SNAPIN: variants seen among roughly 807,000 people sequenced by gnomAD.
The protein encoded by SNAPIN is SNARE-associated protein Snapin.
SNAPIN carries 16 observed loss-of-function variants against 15.9 expected under a neutral mutation model. The observed-to-expected ratio is 1.01, with a 90% CI of 0.68 to 1.53. The LOEUF is 1.53. Among genes scored for constraint, SNAPIN ranks in the 40% most tolerant of loss-of-function variants. The pLI, the probability that SNAPIN is intolerant of heterozygous loss-of-function variation, is 0.00. For synonymous variants in SNAPIN, 83 were observed against 76.2 expected (o/e 1.09, Z -0.46); for missense variants, 186 against 180.1 (o/e 1.03, Z -0.19).
rs1429044617 is a variant in SNAPIN, at chr1:153,658,784, C to T, written c.41C>T (p.Thr14Ile). ...AGSAAVSGAGTPVAGPTGRDL... is the reference protein window; with the variant it reads ...AGSAAVSGAGIPVAGPTGRDL... ...TCCGCCGCTGTATCGGGGGCAGGGA[C>T]CCCGGTGGCGGGGCCCACAGGCCGC... Residue 14 changes from threonine to isoleucine, a missense_variant, in exon 1 of 4, where the codon ACC becomes ATC. Coordinates refer to ENST00000368685, the MANE Select transcript of SNAPIN (RefSeq NM_012437.6). 6.3e-7 allele frequency: 1 copy of T among 1,583,542 alleles called. No individual in the cohort carries two copies. The highest frequency in any genetic ancestry group is 8.5e-7 in the Non-Finnish European group (1 of 1,170,916).
Position 153,660,135 on chromosome 1 carries a change from A to G in SNAPIN, c.309+569A>G, listed in dbSNP as rs553177524. 7.2e-5 allele frequency among the ~76,000 whole-genome samples: 11 copies of G among 152,012 alleles called. No homozygotes were observed. The East Asian group carries it at 2.1e-3, about 30-fold the overall frequency. ...CCTCCCAGGCTCAAGCGATCCATCC[A>G]CCTCAGCCTCCCAAGTAGCTGGGAC... On this transcript the variant is annotated intron_variant, in intron 3 of 3. Coordinates refer to ENST00000368685, the MANE Select transcript of SNAPIN (RefSeq NM_012437.6).
rs1160210495 is a variant in SNAPIN at position 153,658,903 on chromosome 1, T to TTGGGGGCGGGGCCTGTCTCTCTGGCTTTG, written c.143+19_143+47dup. The TTGGGGGCGGGGCCTGTCTCTCTGGCTTTG allele has an allele frequency of 1.1e-5, 17 of 1,608,880 alleles. No individual in the cohort carries two copies. In the East Asian group the frequency reaches 1.3e-4, roughly 13 times the overall value. On this transcript the variant is annotated intron_variant, in intron 1 of 3. Coordinates refer to ENST00000368685, the MANE Select transcript of SNAPIN (RefSeq NM_012437.6). ...CGCCGTCAGGTGCCCGGGAGGGAAG[T>TTGGGGGCGGGGCCTGTCTCTCTGGCTTTG]TGGGGGCGGGGCCTGTCTCTCTGGC... is the stretch of plus-strand genomic sequence containing the variant.
rs377438033 is a variant in SNAPIN, at chr1:153,660,590, GT to G, written c.310-609del. Among the ~76,000 whole-genome samples the G allele has an allele frequency of 2.7e-4, 41 of 150,424 alleles. No individual in the cohort carries two copies. In the East Asian group the frequency reaches 7.9e-3, roughly 29 times the overall value. On this transcript the variant is annotated intron_variant, in intron 3 of 3. Transcript: ENST00000368685. ...TTGAGCCCGGGGGACGGAGGTTGCG[GT>G]GAGCTGAGATCGCACCATTGCACTT...
In SNAPIN at chr1:153,661,334, C is replaced by T. The variant is rs41305092; in HGVS notation, c.*33C>T. On this transcript the variant is annotated 3_prime_UTR_variant, in exon 4 of 4. Transcript: ENST00000368685. ...GCCTATGGACTCAGTAGCACAAGTA[C>T]TGTTCCCCAGCTGCCTTGTTTCAAC... 8.5e-3 allele frequency: 12,866 copies of T among 1,517,050 alleles called. 136 individuals are homozygous for T. The highest frequency in any genetic ancestry group is 0.051 in the Middle Eastern group (299 of 5,866). The allele number at this position is 1,517,050 out of a possible 1,614,324, so 94.0% of individuals were successfully genotyped here.
chr1:153,658,991 T>C, intron 1 of SNAPIN, 105 bp downstream of exon 1: 1 of 1,582,712 alleles, frequency 6.3e-7, no homozygotes. Context: ...AGGAAACTGA[T>C]TCGAGGCGGG....
intron 2 of SNAPIN, 66 bp downstream of exon 2, chr1:153,659,250 AC>A: frequency 6.5e-7 from 1 of 1,546,742 alleles, no homozygotes; most frequent in Non-Finnish European, 8.9e-7. Context: ...GTTTTTGCCA[AC>A]CCCTGGGCTG....
chr1:153,658,752 G>C lies in SNAPIN; in HGVS notation c.9G>C (p.Gly3=). Residue 3 remains glycine, a synonymous_variant, in exon 1 of 4, where the codon GGG becomes GGC. Transcript: ENST00000368685. The part of the protein sequence containing the change: MA[G]AGSAAVSGAG... ...CTTCAGGACAATTCGTGATGGCGGG[G>C]GCTGGTTCCGCCGCTGTATCGGGGG... is the stretch of plus-strand genomic sequence containing the variant. The C allele has an allele frequency of 6.4e-7, 1 of 1,564,512 alleles. No individual in the cohort carries two copies.
Position 153,661,506 on chromosome 1 carries a change from G to T in SNAPIN, c.*205G>T. 2.5e-6 allele frequency: 1 copy of T among 394,224 alleles called. No homozygotes were observed. 24.4% of individuals were successfully genotyped at this position (394,224 alleles called of 1,614,324 possible). On this transcript the variant is annotated 3_prime_UTR_variant, in exon 4 of 4. Transcript: ENST00000368685. ...CACAGCCAGAATGAGGTTCCCAAAG[G>T]ACTTACATTAATTATGGCTCTTGCT...
At chr1:153,659,302 G>A (rs1296787590) in intron 2 of SNAPIN, 118 bp downstream of exon 2, 1 of 1,301,030 alleles carries the variant, frequency 7.7e-7, no homozygotes, top group African/African-American at 1.5e-5. Flanking sequence ...GGCTGCCAAA[G>A]GACTCCTCCT....
chr1:153,661,137 A>T, intron 3 of SNAPIN, 63 bp from the exon 4 acceptor site: 1 of 1,325,998 alleles, frequency 7.5e-7, no homozygotes, highest in Non-Finnish European at 1.1e-6. Context: ...TTCAGCACCT[A>T]GTTCACTTAC....
chr1:153,658,701 C>G, upstream of SNAPIN: 1 of 1,487,464 alleles, frequency 6.7e-7, no homozygotes, highest in Non-Finnish European at 8.9e-7. Context: ...CTCCGGTTCC[C>G]GGCGGCCCTC....
Position 153,661,268 on chromosome 1 carries a change from G to A in SNAPIN, c.378G>A (p.Ser126=), listed in dbSNP as rs138235832. The A allele has an allele frequency of 6.6e-5, 106 of 1,613,508 alleles. No homozygotes were observed. Among genetic ancestry groups the A allele is most frequent in the South Asian group, 9.9e-5 (9 of 91,064 alleles). ...CCCGCAGGAGAGCAATGCTGGATTC[G>A]GGAATTTACCCCCCTGGCTCCCCAG... ...ETARRRAMLD[S]GIYPPGSPGK is the part of the protein sequence containing the mutation. Residue 126 remains serine (S), a synonymous_variant, in exon 4 of 4, where the codon TCG becomes TCA. Transcript: ENST00000368685.
At chr1:153,658,664 C>G, upstream of SNAPIN, 1 of 1,418,974 alleles carries the variant, frequency 7.0e-7, no homozygotes, top group Non-Finnish European at 9.2e-7. Flanking sequence ...CGGGCGCCCC[C>G]TCACGGGGCG....
chr1:153,658,665 T>C, upstream of SNAPIN: 1 of 1,419,134 alleles, frequency 7.0e-7, no homozygotes, highest in Non-Finnish European at 9.2e-7. Flanking sequence ...GGGCGCCCCC[T>C]CACGGGGCGG....
At chr1:153,660,958 A>T (rs1669140029) in intron 3 of SNAPIN, among the ~76,000 whole-genome samples, 1 of 151,728 alleles carries the variant, frequency 6.6e-6, no homozygotes, top group Non-Finnish European at 1.5e-5. Context: ...TTTAGTAGAG[A>T]CGGGTTTTAC....
Position 153,659,296 on chromosome 1 carries a change from G to A in SNAPIN, c.190+112G>A. 2.3e-6 allele frequency: 3 copies of A among 1,311,014 alleles called. No homozygotes were observed. The East Asian group carries it at 6.9e-5, about 30-fold the overall frequency. 81.2% of individuals were successfully genotyped at this position (1,311,014 alleles called of 1,614,324 possible). ...CACTTGCTTCCAGGGCATCAGGGCT[G>A]CCAAAGGACTCCTCCTTTCAGGGAT... On this transcript the variant is annotated intron_variant, in intron 2 of 3. Transcript: ENST00000368685.
At position 153,659,583 on chromosome 1, in the gene SNAPIN, C is replaced by A. The variant is rs1354691892; in HGVS notation, c.309+17C>A. On this transcript the variant is annotated intron_variant, in intron 3 of 3. Coordinates refer to ENST00000368685, the MANE Select transcript of SNAPIN (RefSeq NM_012437.6). ...AATGCTCAGGTAAAAGAATATCTTA[C>A]CAACAGTGATTCTTTGCCCTTTTTT... The A allele has an allele frequency of 3.2e-6, 5 of 1,540,554 alleles. No individual in the cohort carries two copies. The South Asian group carries it at 5.6e-5, about 17-fold the overall frequency.
chr1:153,658,776 G>A lies in SNAPIN; in HGVS notation c.33G>A (p.Gly11=), dbSNP rs1228665926. 3.2e-6 allele frequency: 5 copies of A among 1,581,158 alleles called. No homozygotes were observed. Among genetic ancestry groups the A allele is most frequent in the African/African-American group, 2.7e-5 (2 of 72,750 alleles). MAGAGSAAVS[G]AGTPVAGPTG... ...GGGCTGGTTCCGCCGCTGTATCGGG[G>A]GCAGGGACCCCGGTGGCGGGGCCCA... The change falls in exon 1 of 4, where the codon GGG becomes GGA. Residue 11 remains glycine (G), a synonymous_variant. Transcript: ENST00000368685.
At chr1:153,659,258 G>A in intron 2 of SNAPIN, 74 bp downstream of exon 2, 4 of 1,519,540 alleles carry the variant, frequency 2.6e-6, no homozygotes, top group Non-Finnish European at 3.6e-6. Flanking sequence ...CAACCCCTGG[G>A]CTGAGTTTCT....
Sources: gnomAD v4.1 joint callset for allele counts (sites outside exome capture counted in the v4.1 genomes callset) on GRCh38, gnomAD v4.1.1 for gene constraint, MANE v1.5 for transcripts, NCBI Gene and HGNC (gene_info 2026-07-23, HGNC 2026-07-21) for gene names.